MAP2K3: variants seen among roughly 807,000 people sequenced by gnomAD.
MAP2K3 encodes the protein dual specificity mitogen-activated protein kinase kinase 3.
Under a neutral mutation model 46.4 loss-of-function variants are expected in MAP2K3, and 30 were observed. The observed-to-expected ratio is 0.65, with a 90% confidence interval of 0.48 to 0.88. The LOEUF (loss-of-function observed/expected upper bound fraction) is 0.88, where lower values mean the gene tolerates loss of function less well. Among genes scored for constraint, MAP2K3 ranks in the 40% least tolerant of loss-of-function variants. MAP2K3 has a pLI of 0.00. For missense variants in MAP2K3, 380 were observed against 464.5 expected, an observed-to-expected ratio of 0.82 and a Z score of 1.67; for synonymous variants, 189 against 176.3, an observed-to-expected ratio of 1.07 and a Z score of -0.57.
intron 3 of MAP2K3, among the ~76,000 whole-genome samples, chr17:21,300,150 G>T (rs1466964767): frequency 1.6e-3 from 248 of 152,268 alleles, no homozygotes; most frequent in Admixed American, 4.7e-3. Flanking sequence ...TTGTTTTGTT[G>T]TCACTGTGTC....
At chr17:21,296,008 A>G in intron 1 of MAP2K3, 1 of 1,276,374 alleles carries the variant, frequency 7.8e-7, no homozygotes, top group Non-Finnish European at 1.0e-6. Context: ...TATTCTGGTT[A>G]CGAAAAGCCT....
At chr17:21,288,015 G>A (rs1245048539) in intron 1 of MAP2K3, 4 of 1,289,028 alleles carry the variant, frequency 3.1e-6, no homozygotes, top group Non-Finnish European at 3.0e-6. Flanking sequence ...GCCAACCCAT[G>A]GCCCAGCGCC....
chr17:21,291,405 G>T (rs1975927761), intron 1 of MAP2K3: 1 of 444,072 alleles, frequency 2.3e-6, no homozygotes, highest in African/African-American at 2.2e-5. Flanking sequence ...AGCACAGATG[G>T]CGTTTGTTCA....
At position 21,284,798 on chromosome 17, in the gene MAP2K3, C is replaced by CAGT; in HGVS notation, c.-123_-122insAGT. ...GCCGCAGTCGCCGCCGCCGCCGCCG[C>CAGT]CGCCGCCGCTGCTCCTCCGCCTGGC... On this transcript the variant is annotated 5_prime_UTR_variant, in exon 1 of 12. Transcript: ENST00000342679. The CAGT allele has an allele frequency of 8.6e-7, 1 of 1,168,888 alleles. No homozygotes were observed. The highest frequency in any genetic ancestry group is 1.2e-6 in the Non-Finnish European group (1 of 866,638). 72.4% of individuals were successfully genotyped at this position (1,168,888 alleles called of 1,614,324 possible). A position where few individuals can be genotyped will look rare whatever the true frequency, so the allele number is the denominator to read the frequency against.
At chr17:21,309,573 G>A (rs79479083) in intron 9 of MAP2K3, among the ~76,000 whole-genome samples, 6 of 150,822 alleles carry the variant, frequency 4.0e-5, no homozygotes, top group African/African-American at 7.3e-5. Context: ...AATAAAATAC[G>A]TTTTATTAAA....
At chr17:21,308,155 C>CTTTTT (rs764822853) in intron 9 of MAP2K3, among the ~76,000 whole-genome samples, 6 of 82,130 alleles carry the variant, frequency 7.3e-5, no homozygotes, top group African/African-American at 8.9e-5. Flanking sequence ...TGTGCCTGGC[C>CTTTTT]TTTTTTTTTT....
intron 1 of MAP2K3, among the ~76,000 whole-genome samples, chr17:21,290,964 C>T (rs1975888356): frequency 6.6e-6 from 1 of 151,902 alleles, no homozygotes; most frequent in Admixed American, 6.6e-5. Context: ...AGAAGTAGGC[C>T]AGGCACGGTG....
intron 1 of MAP2K3, 158 bp downstream of exon 1, chr17:21,285,127 C>A (rs1479926361): frequency 1.2e-6 from 1 of 853,656 alleles, no homozygotes; most frequent in Admixed American, 6.2e-5. Flanking sequence ...CGGGACCAGC[C>A]CCCGCCTGGG....
At chr17:21,300,090 C>A (rs1976505506) in intron 3 of MAP2K3, among the ~76,000 whole-genome samples, 1 of 152,312 alleles carries the variant, frequency 6.6e-6, no homozygotes, top group African/African-American at 2.4e-5. Context: ...CTTGCTTACT[C>A]CTTTTTGTGT....
chr17:21,300,647 A>G lies in MAP2K3; in HGVS notation c.268A>G (p.Met90Val), dbSNP rs1976542696. ...GCGGCACGCCCAGAGCGGCACCATC[A>G]TGGCCGTGAAGGTGAGCAGGGCCTG... is the stretch of plus-strand genomic sequence containing the variant. Reference protein sequence around the residue: ...KVRHAQSGTIMAVKRIRATVN... With the variant: ...KVRHAQSGTIVAVKRIRATVN... Residue 90 changes from methionine to valine, a missense_variant, in exon 4 of 12, where the codon ATG (methionine) becomes GTG (valine). Met to Val is a conservative substitution (Grantham distance 21, BLOSUM62 1). This residue lies in a region of MAP2K3 where 294 missense variants were observed against 275.4 expected (regional missense o/e 1.07). Transcript: ENST00000342679. 2 of 1,609,970 alleles carry G rather than the reference A, an allele frequency of 1.2e-6. No individual in the cohort carries two copies. Among genetic ancestry groups the G allele is most frequent in the Admixed American group, 1.7e-5 (1 of 59,224 alleles).
At chr17:21,297,544 TCTC>T (rs1371868488) in intron 1 of MAP2K3, among the ~76,000 whole-genome samples, 1 of 152,308 alleles carries the variant, frequency 6.6e-6, no homozygotes, top group Non-Finnish European at 1.5e-5. Flanking sequence ...GATCCTTGCT[TCTC>T]CTGCCTGTGG....
intron 1 of MAP2K3, chr17:21,295,679 G>T: frequency 7.8e-7 from 1 of 1,289,520 alleles, no homozygotes; most frequent in Admixed American, 2.3e-5. Context: ...CAACAGGCCG[G>T]TGGATGCAGA....
chr17:21,292,372 C>A (rs1291372290), intron 1 of MAP2K3, among the ~76,000 whole-genome samples: 2 of 152,302 alleles, frequency 1.3e-5, no homozygotes, highest in Non-Finnish European at 2.9e-5. Flanking sequence ...CCAGCATTTT[C>A]TTTCCTTCTT....
chr17:21,303,046 G>C, intron 6 of MAP2K3, 137 bp from the exon 7 acceptor site: 1 of 1,134,806 alleles, frequency 8.8e-7, no homozygotes, highest in Non-Finnish European at 1.3e-6. Flanking sequence ...CAGGAGGCTG[G>C]GATGAGAGGG....
chr17:21,295,463 G>T (rs1168940281), intron 1 of MAP2K3, among the ~76,000 whole-genome samples: 1 of 152,426 alleles, frequency 6.6e-6, no homozygotes, highest in Admixed American at 6.5e-5. Flanking sequence ...GCCGCCGAGA[G>T]CCTCTGTTTG....
chr17:21,303,289 C>T, intron 7 of MAP2K3, 55 bp downstream of exon 7: 1 of 1,611,444 alleles, frequency 6.2e-7, no homozygotes, highest in Non-Finnish European at 8.5e-7. Context: ...GGATCCCAGG[C>T]CAAGGCGGGT....
chr17:21,308,155 C>CTT (rs764822853), intron 9 of MAP2K3, among the ~76,000 whole-genome samples: 84 of 82,010 alleles, frequency 1.0e-3, no homozygotes, highest in African/African-American at 2.1e-3. Context: ...TGTGCCTGGC[C>CTT]TTTTTTTTTT....
chr17:21,310,460 G>C (rs1370268725), intron 9 of MAP2K3, among the ~76,000 whole-genome samples: 1 of 152,148 alleles, frequency 6.6e-6, no homozygotes, highest in East Asian at 1.9e-4. Context: ...CCATCCTGGG[G>C]GAGCGACTGA....
intron 1 of MAP2K3, among the ~76,000 whole-genome samples, chr17:21,290,357 C>T (rs1975853458): frequency 1.2e-5 from 1 of 83,644 alleles, no homozygotes; most frequent in South Asian, 3.7e-4. Context: ...TCTTGCCTGG[C>T]TTAGCCTTCT....
Sources: gnomAD v4.1 joint callset for allele counts (sites outside exome capture counted in the v4.1 genomes callset) on GRCh38, gnomAD v4.1.1 for gene constraint, gnomAD v4.1.1 regional missense constraint, MANE v1.5 for transcripts, NCBI Gene and HGNC (gene_info 2026-07-23, HGNC 2026-07-21) for gene names.